FRY: variants seen among roughly 807,000 people sequenced by gnomAD.
FRY encodes FRY microtubule binding protein.
Under a neutral mutation model 348.4 loss-of-function variants are expected in FRY, and 128 were observed. The ratio of observed to expected loss-of-function variants is 0.37; its 90% confidence interval spans 0.32 to 0.43. FRY has a LOEUF of 0.43. Among genes scored for constraint, FRY ranks in the 20% least tolerant of loss-of-function variants. The probability of loss-of-function intolerance (pLI) is 1.00; values close to 1 mark genes in which losing one functional copy is unlikely to be tolerated. For missense variants in FRY, 2,736 were observed against 3,695.2 expected (o/e 0.74, Z 6.73); for synonymous variants, 1,370 against 1,374.7 (o/e 1.00, Z 0.08).
At chr13:32,228,356 A>G in intron 39 of FRY, 100 bp from the exon 40 acceptor site, 1 of 897,722 alleles carries the variant, frequency 1.1e-6, no homozygotes, top group Admixed American at 1.7e-5. Flanking sequence ...CCAGAATTTA[A>G]ATAACTCCAC....
At chr13:32,084,299 C>G (rs945193128) in intron 2 of FRY, among the ~76,000 whole-genome samples, 2 of 152,124 alleles carry the variant, frequency 1.3e-5, no homozygotes, top group African/African-American at 4.8e-5. Context: ...TAAATACAAC[C>G]CTGTCCATTA....
chr13:32,109,457 A>G (rs1026065271), intron 3 of FRY, among the ~76,000 whole-genome samples: 4 of 152,210 alleles, frequency 2.6e-5, no homozygotes, highest in African/African-American at 7.2e-5. Context: ...GAAGGTACAC[A>G]AGTGTGTGCT....
At chr13:32,271,980 C>G (rs906935024) in intron 55 of FRY, among the ~76,000 whole-genome samples, 5 of 152,060 alleles carry the variant, frequency 3.3e-5, no homozygotes, top group Admixed American at 3.3e-4. Context: ...AATCAATCAC[C>G]CTATGGAGCT....
At chr13:32,266,918 A>G (rs1296905033) in intron 54 of FRY, among the ~76,000 whole-genome samples, 1 of 152,192 alleles carries the variant, frequency 6.6e-6, no homozygotes, top group Non-Finnish European at 1.5e-5. Flanking sequence ...CACGAGGCAG[A>G]GGTTGCAGTG....
chr13:32,246,897 G>T (rs1454998041), intron 47 of FRY, among the ~76,000 whole-genome samples: 2 of 152,204 alleles, frequency 1.3e-5, no homozygotes, highest in African/African-American at 2.4e-5. Flanking sequence ...AGGTACCCAG[G>T]AAGCAAATGG....
rs1176972527 is a variant in FRY, at chr13:32,239,225, A to G, written c.6419-27A>G. 7.7e-7 allele frequency: 1 copy of G among 1,302,926 alleles called. No individual in the cohort carries two copies. Among genetic ancestry groups the G allele is most frequent in the Non-Finnish European group, 1.1e-6 (1 of 896,532 alleles). The allele number at this position is 1,302,926 out of a possible 1,614,324, so 80.7% of individuals were successfully genotyped here. A position where few individuals can be genotyped will look rare whatever the true frequency, so the allele number is the denominator to read the frequency against. On this transcript the variant is annotated intron_variant, in intron 44 of 60. Coordinates refer to ENST00000542859, the MANE Select transcript of FRY (RefSeq NM_023037.3). This position sits in a 1 kb window ranked among gnomAD's most constrained non-coding sequence, Gnocchi z 4.3. The stretch of plus-strand genomic sequence containing the variant: ...CAGCTAAAATATACCATATTCAGCT[A>G]TCTCCATTGTATCTTCTCTAATCCA...
intron 1 of FRY, among the ~76,000 whole-genome samples, chr13:32,072,448 C>T (rs1007980755): frequency 3.9e-5 from 6 of 152,056 alleles, no homozygotes; most frequent in Non-Finnish European, 8.8e-5. Context: ...TTTGTCCCAA[C>T]ATTTTTGATT....
intron 26 of FRY, among the ~76,000 whole-genome samples, chr13:32,185,878 T>C (rs1215228757): frequency 6.6e-6 from 1 of 152,242 alleles, no homozygotes; most frequent in Admixed American, 6.5e-5. Flanking sequence ...CTATGTGAGT[T>C]TGAAATAGAC....
At chr13:32,137,940 C>G (rs1489639748) in intron 11 of FRY, among the ~76,000 whole-genome samples, 2 of 152,016 alleles carry the variant, frequency 1.3e-5, no homozygotes, top group African/African-American at 4.8e-5. Context: ...TTTTAAGCAC[C>G]AACTAGGAGC....
intron 2 of FRY, among the ~76,000 whole-genome samples, chr13:32,083,655 G>A (rs1875646053): frequency 1.3e-5 from 2 of 152,252 alleles, no homozygotes; most frequent in Non-Finnish European, 2.9e-5. Context: ...CACCTAGAAG[G>A]TGACACAACT....
At chr13:32,161,600 G>T (rs1012825719) in intron 17 of FRY, among the ~76,000 whole-genome samples, 9 of 152,154 alleles carry the variant, frequency 5.9e-5, no homozygotes, top group Non-Finnish European at 5.9e-5. Context: ...ACTTCCTCTC[G>T]AAGGGAAGGT....
At chr13:32,078,272 A>C (rs963134555) in intron 1 of FRY, among the ~76,000 whole-genome samples, 1 of 152,198 alleles carries the variant, frequency 6.6e-6, no homozygotes, top group Admixed American at 6.5e-5. Context: ...CTTGGACGGC[A>C]AACAGAGCAC....
chr13:32,155,371 A>T, intron 14 of FRY, 120 bp from the exon 15 acceptor site: 1 of 772,252 alleles, frequency 1.3e-6, no homozygotes, highest in Non-Finnish European at 2.3e-6. Context: ...GTGGCTTTTA[A>T]ATTATTTTCT....
chr13:32,096,147 A>G (rs1424525802), intron 2 of FRY, among the ~76,000 whole-genome samples: 3 of 151,084 alleles, frequency 2.0e-5, no homozygotes, highest in African/African-American at 7.3e-5. Flanking sequence ...CTACTATGGT[A>G]TTCTGTCCCC....
At chr13:32,268,532 ATATATATC>A (rs1888059051) in intron 55 of FRY, among the ~76,000 whole-genome samples, 1 of 134,070 alleles carries the variant, frequency 7.5e-6, no homozygotes, top group African/African-American at 2.8e-5. Context: ...ATATATATAT[ATATATATC>A]TAGATTAGTA....
intron 2 of FRY, among the ~76,000 whole-genome samples, chr13:32,094,316 G>T (rs772451782): frequency 1.2e-4 from 19 of 152,182 alleles, no homozygotes; most frequent in Non-Finnish European, 2.4e-4. Flanking sequence ...ACATCATGGA[G>T]AATGGGTGTC....
At position 32,178,746 on chromosome 13, in the gene FRY, T is replaced by G; in HGVS notation, c.2682-98T>G. 6 of 858,436 alleles carry G rather than the reference T, an allele frequency of 7.0e-6. 1 individual carries two copies. In the South Asian group the frequency reaches 8.3e-5, roughly 12 times the overall value. The allele number at this position is 858,436 out of a possible 1,614,324, so 53.2% of individuals were successfully genotyped here. A position where few individuals can be genotyped will look rare whatever the true frequency, so the allele number is the denominator to read the frequency against. ...AATAACATTCTTAATCGACAGTTGT[T>G]CAACTCTATTTGAGTACTTCCTATG... On this transcript the variant is annotated intron_variant, in intron 21 of 60. Transcript: ENST00000542859.
intron 55 of FRY, 111 bp from the exon 56 acceptor site, chr13:32,274,727 AAATC>A: frequency 1.6e-6 from 1 of 638,178 alleles, no homozygotes. Context: ...AAAAAAAAAA[AAATC>A]AGTTAATGTA....
intron 1 of FRY, among the ~76,000 whole-genome samples, chr13:32,063,253 C>T (rs1364350954): frequency 6.6e-6 from 1 of 152,178 alleles, no homozygotes; most frequent in Admixed American, 6.5e-5. Flanking sequence ...TGTTGGGTCC[C>T]TGTGTAATGC....
Sources: allele counts gnomAD v4.1 joint callset (sites outside exome capture counted in the v4.1 genomes callset), GRCh38; gene constraint gnomAD v4.1.1; non-coding constraint Gnocchi (gnomAD v3.1); transcripts MANE v1.5; gene names NCBI Gene and HGNC (gene_info 2026-07-23, HGNC 2026-07-21).